PPP3R1: variants seen among roughly 807,000 people sequenced by gnomAD.
PPP3R1 encodes protein phosphatase 3 regulatory subunit B, alpha.
Under a neutral mutation model 22.6 loss-of-function variants are expected in PPP3R1, and 5 were observed. The ratio of observed to expected loss-of-function variants is 0.22; its 90% CI spans 0.12 to 0.46. PPP3R1 has a LOEUF of 0.46. Ranked by LOEUF, PPP3R1 falls within the 20% of genes least tolerant of loss-of-function variation. The pLI is 0.99. For synonymous variants in PPP3R1, 56 were observed against 65.2 expected (o/e 0.86, Z 0.68); for missense variants, 61 against 203.2 (o/e 0.30, Z 4.25).
chr2:68,228,314 C>A (rs1319616175), intron 1 of PPP3R1, among the ~76,000 whole-genome samples: 1 of 152,136 alleles, frequency 6.6e-6, no homozygotes, highest in Non-Finnish European at 1.5e-5. Context: ...TCTGCATCTA[C>A]ACTGACATGA....
chr2:68,212,401 G>A (rs996482884), intron 2 of PPP3R1, among the ~76,000 whole-genome samples: 1 of 152,122 alleles, frequency 6.6e-6, no homozygotes, highest in African/African-American at 2.4e-5. Context: ...CGTCTTTAAT[G>A]TACTTTGCCC....
intron 1 of PPP3R1, among the ~76,000 whole-genome samples, chr2:68,234,984 G>A (rs1669992030): frequency 6.6e-6 from 1 of 152,132 alleles, no homozygotes; most frequent in Admixed American, 6.5e-5. Context: ...AAACACTAAG[G>A]CTAGAATGTC....
At chr2:68,211,250 C>T (rs902099605) in intron 2 of PPP3R1, among the ~76,000 whole-genome samples, 2 of 151,620 alleles carry the variant, frequency 1.3e-5, no homozygotes, top group Admixed American at 6.6e-5. Flanking sequence ...ACTAAAAATA[C>T]AAAAAAATTA....
At chr2:68,191,849 C>T (rs1227987492) in intron 2 of PPP3R1, among the ~76,000 whole-genome samples, 1 of 151,974 alleles carries the variant, frequency 6.6e-6, no homozygotes, top group Non-Finnish European at 1.5e-5. Context: ...TCAAATAAAC[C>T]TTATTTCCCC....
chr2:68,231,222 A>G (rs1056759221), intron 1 of PPP3R1, among the ~76,000 whole-genome samples: 1 of 151,862 alleles, frequency 6.6e-6, no homozygotes, highest in South Asian at 2.1e-4. Flanking sequence ...TCTGCCTGCT[A>G]GTTCACTGAT....
chr2:68,214,342 C>A (rs1002286155), intron 2 of PPP3R1, among the ~76,000 whole-genome samples: 2 of 152,028 alleles, frequency 1.3e-5, no homozygotes, highest in Non-Finnish European at 2.9e-5. Flanking sequence ...CAGAGTAAAA[C>A]AGACAACCTA....
At chr2:68,250,794 A>G (rs1045948326) in intron 1 of PPP3R1, among the ~76,000 whole-genome samples, 1 of 151,900 alleles carries the variant, frequency 6.6e-6, no homozygotes, top group Non-Finnish European at 1.5e-5. Context: ...CATTTGCCCT[A>G]TATTTTAAAT....
chr2:68,230,825 G>A (rs988758175), intron 1 of PPP3R1, among the ~76,000 whole-genome samples: 8 of 152,142 alleles, frequency 5.3e-5, no homozygotes, highest in African/African-American at 1.7e-4. Flanking sequence ...CTTGAAAAAT[G>A]TGAAATTTCC....
intron 2 of PPP3R1, among the ~76,000 whole-genome samples, chr2:68,210,718 T>C (rs962017106): frequency 6.6e-6 from 1 of 152,198 alleles, no homozygotes; most frequent in African/African-American, 2.4e-5. Context: ...GTTGAACTTT[T>C]AGGAAAAATT....
At chr2:68,217,861 A>G (rs559658247) in intron 1 of PPP3R1, among the ~76,000 whole-genome samples, 12 of 152,246 alleles carry the variant, frequency 7.9e-5, no homozygotes, top group African/African-American at 2.9e-4. Context: ...TTCTAGAAAA[A>G]CTAGAGACCT....
At chr2:68,190,433 C>T (rs1218352514) in intron 2 of PPP3R1, among the ~76,000 whole-genome samples, 1 of 151,814 alleles carries the variant, frequency 6.6e-6, no homozygotes, top group African/African-American at 2.4e-5. Context: ...GGAGTGATGG[C>T]AGGGCGCCTG....
chr2:68,197,079 T>C (rs1051569849), intron 2 of PPP3R1, among the ~76,000 whole-genome samples: 3 of 152,182 alleles, frequency 2.0e-5, no homozygotes, highest in South Asian at 2.1e-4. Flanking sequence ...CTTCAAATGA[T>C]GCATTATTAA....
At chr2:68,198,393 GTATA>G (rs200437946) in intron 2 of PPP3R1, among the ~76,000 whole-genome samples, 1 of 77,934 alleles carries the variant, frequency 1.3e-5, no homozygotes, top group Non-Finnish European at 2.4e-5. Context: ...GCATATATAT[GTATA>G]TATATGTGTA....
chr2:68,180,821 A>G lies in PPP3R1; in HGVS notation c.*142T>C, dbSNP rs946671137. 6.2e-6 allele frequency: 5 copies of G among 804,524 alleles called. No homozygotes were observed. The highest frequency in any genetic ancestry group is 1.0e-5 in the Non-Finnish European group (5 of 500,192). The allele number at this position is 804,524 out of a possible 1,614,324, so 49.8% of individuals were successfully genotyped here. A position where few individuals can be genotyped will look rare whatever the true frequency, so the allele number is the denominator to read the frequency against. Reference sequence around the variant, plus strand: ...AGTTCAATAACACTTAGTTGGCTTCATGAGGCTCATGTTGGAAAATGTGGC... The same window carrying G: ...AGTTCAATAACACTTAGTTGGCTTCGTGAGGCTCATGTTGGAAAATGTGGC... On this transcript the variant is annotated 3_prime_UTR_variant, in exon 6 of 6. Coordinates refer to ENST00000234310, the MANE Select transcript of PPP3R1 (RefSeq NM_000945.4).
At position 68,221,859 on chromosome 2, in the gene PPP3R1, T is replaced by C. The variant is rs192944512; in HGVS notation, c.4-4728A>G. ...TAAAGTGTTTAAAAAAAAAAAACTA[T>C]CAGTTTTTATATCCAGCAAAAATAT... On this transcript the variant is annotated intron_variant, in intron 1 of 5. Coordinates refer to ENST00000234310, the MANE Select transcript of PPP3R1 (RefSeq NM_000945.4). 1.3e-4 allele frequency among the ~76,000 whole-genome samples: 19 copies of C among 151,758 alleles called. No homozygotes were observed. In the East Asian group the frequency reaches 3.1e-3, roughly 25 times the overall value.
At chr2:68,241,165 T>A (rs4671886) in intron 1 of PPP3R1, among the ~76,000 whole-genome samples, 22 of 145,426 alleles carry the variant, frequency 1.5e-4, no homozygotes, top group African/African-American at 5.4e-4. Context: ...CTCAAGTCCC[T>A]GATATAAAAT....
intron 1 of PPP3R1, among the ~76,000 whole-genome samples, chr2:68,221,201 G>A (rs1669683090): frequency 6.6e-6 from 1 of 152,002 alleles, no homozygotes; most frequent in Admixed American, 6.6e-5. Context: ...CATGGTGGCG[G>A]GTGCCTGTAA....
At chr2:68,251,883 G>A (rs1572983646) in intron 1 of PPP3R1, among the ~76,000 whole-genome samples, 3 of 142,818 alleles carry the variant, frequency 2.1e-5, no homozygotes, top group Admixed American at 6.9e-5. Flanking sequence ...CGGCGGCCGA[G>A]CAGCAGAGGG....
At chr2:68,184,026 A>C (rs189054994) in intron 5 of PPP3R1, among the ~76,000 whole-genome samples, 164 of 152,318 alleles carry the variant, frequency 1.1e-3, no homozygotes, top group Admixed American at 0.01. Context: ...AGATGCCAAT[A>C]TGCAAATATG....
Sources: gnomAD v4.1 joint callset for allele counts (sites outside exome capture counted in the v4.1 genomes callset) on GRCh38, gnomAD v4.1.1 for gene constraint, MANE v1.5 for transcripts, NCBI Gene and HGNC (gene_info 2026-07-23, HGNC 2026-07-21) for gene names.